The following HYDIN variants were observed in gnomAD, a reference collection of about 807,000 sequenced individuals.
HYDIN encodes axonemal central pair apparatus protein HYDIN.
A neutral mutation model predicts 403.9 loss-of-function variants in HYDIN; 132 were observed. The ratio of observed to expected loss-of-function variants is 0.33; its 90% CI spans 0.28 to 0.38. The LOEUF (loss-of-function observed/expected upper bound fraction) is 0.38, where lower values mean the gene tolerates loss of function less well. Among genes scored for constraint, HYDIN ranks in the 10% least tolerant of loss-of-function variants. The pLI, the probability that HYDIN is intolerant of heterozygous loss-of-function variation, is 1.00. For synonymous variants in HYDIN, 1,202 were observed against 1,891.7 expected, an observed-to-expected ratio of 0.64 and a Z score of 9.46; for missense variants, 2,827 against 5,009.5, an observed-to-expected ratio of 0.56 and a Z score of 13.15.
chr16:71,227,697 G>A (rs1469506752), intron 1 of HYDIN, among the ~76,000 whole-genome samples: 1 of 152,192 alleles, frequency 6.6e-6, no homozygotes, highest in African/African-American at 2.4e-5. Flanking sequence ...CATGCTCATG[G>A]ATAGGAATAA....
At chr16:70,922,551 A>G (rs1597329017) in intron 45 of HYDIN, among the ~76,000 whole-genome samples, 1 of 152,296 alleles carries the variant, frequency 6.6e-6, no homozygotes, top group South Asian at 2.1e-4. Context: ...TATGACATAG[A>G]GCATGTACTC....
At chr16:71,172,928 C>T (rs974742527) in intron 5 of HYDIN, among the ~76,000 whole-genome samples, 1 of 152,208 alleles carries the variant, frequency 6.6e-6, no homozygotes, top group Non-Finnish European at 1.5e-5. Context: ...TGGCTCTAGT[C>T]ACTCATTGGC....
At chr16:71,061,910 G>C (rs2082100216) in intron 17 of HYDIN, among the ~76,000 whole-genome samples, 1 of 151,618 alleles carries the variant, frequency 6.6e-6, no homozygotes, top group Non-Finnish European at 1.5e-5. Context: ...GAGAGAGAGA[G>C]AGAGAGAAAC....
intron 41 of HYDIN, 65 bp from the exon 42 acceptor site, chr16:70,944,014 A>G: frequency 8.3e-7 from 1 of 1,205,126 alleles, no homozygotes. Flanking sequence ...TCCTACACTT[A>G]CCAGCCACAG....
chr16:70,829,353 C>A (rs2036806770), intron 81 of HYDIN, among the ~76,000 whole-genome samples: 1 of 148,570 alleles, frequency 6.7e-6, no homozygotes, highest in South Asian at 2.1e-4. Flanking sequence ...CCTGCCTCAG[C>A]CTCCCAAGTA....
Position 70,981,525 on chromosome 16 carries a change from T to C in HYDIN, c.4376A>G (p.Tyr1459Cys). Residue 1459 changes from tyrosine (Y) to cysteine (C), a missense_variant, in exon 29 of 86, where the codon TAC (tyrosine) becomes TGC (cysteine). Transcript: ENST00000393567. ...SHQEQVLKVYYLPGVPEVFKR... is the reference protein window; with the variant it reads ...SHQEQVLKVYCLPGVPEVFKR... ...AAAGACCTCAGGTACTCCAGGTAGG[T>C]AGTAAACTTTTAATACCTGCTCTTG... 1 of 1,613,054 alleles carries C rather than the reference T, an allele frequency of 6.2e-7. No homozygotes were observed. The highest frequency in any genetic ancestry group is 1.7e-5 in the Admixed American group (1 of 59,716).
intron 1 of HYDIN, among the ~76,000 whole-genome samples, chr16:71,201,986 A>T (rs1056434060): frequency 1.3e-5 from 2 of 152,350 alleles, no homozygotes; most frequent in Admixed American, 1.3e-4. Flanking sequence ...GGTCTTTCTC[A>T]ATTTGTCAAA....
At chr16:71,026,789 G>C (rs894353255) in intron 20 of HYDIN, among the ~76,000 whole-genome samples, 1 of 152,200 alleles carries the variant, frequency 6.6e-6, no homozygotes, top group Non-Finnish European at 1.5e-5. Context: ...AGCTAAGCAA[G>C]GGACTAGCTT....
Position 71,112,985 on chromosome 16 carries a change from CA to C in HYDIN, c.1327+2710del, listed in dbSNP as rs756509391. 2.9e-3 allele frequency among the ~76,000 whole-genome samples: 444 copies of C among 152,084 alleles called. 4 individuals carry two copies. Among genetic ancestry groups the C allele is most frequent in the Non-Finnish European group, 5.0e-3 (342 of 68,002 alleles). On this transcript the variant is annotated intron_variant, in intron 10 of 85. Coordinates refer to ENST00000393567, the MANE Select transcript of HYDIN (RefSeq NM_001270974.2). ...GGGGACAGGATTGTCTGCAAAGAAG[CA>C]TAGGGAACTTTATGGGGTGATCTCA...
chr16:70,965,682 A>G (rs958896348), intron 36 of HYDIN, among the ~76,000 whole-genome samples: 6 of 152,188 alleles, frequency 3.9e-5, no homozygotes, highest in African/African-American at 1.2e-4. Flanking sequence ...CTTCTTCAGG[A>G]TCCCCATTTT....
In HYDIN at chr16:70,804,832, A is replaced by G. The variant is rs2035037388; in HGVS notation, c.*2748T>C. On this transcript the variant is annotated 3_prime_UTR_variant, in exon 86 of 86. Coordinates refer to ENST00000393567, the MANE Select transcript of HYDIN (RefSeq NM_001270974.2). ...TTCTCCCCCTCCCTTCTCCCTGATC[A>G]CTTTTATAAAATGTATATGGACAGC... 6.6e-6 allele frequency among the ~76,000 whole-genome samples: 1 copy of G among 152,202 alleles called. No homozygotes were observed. Among genetic ancestry groups the G allele is most frequent in the African/African-American group, 2.4e-5 (1 of 41,518 alleles).
At chr16:71,071,452 T>C (rs2144311671) in intron 13 of HYDIN, among the ~76,000 whole-genome samples, 1 of 152,032 alleles carries the variant, frequency 6.6e-6, no homozygotes, top group South Asian at 2.1e-4. Flanking sequence ...TTTACAGTTG[T>C]AGACCTCTAT....
At chr16:70,943,242 A>G (rs1449280927) in intron 42 of HYDIN, among the ~76,000 whole-genome samples, 1 of 152,204 alleles carries the variant, frequency 6.6e-6, no homozygotes, top group African/African-American at 2.4e-5. Context: ...TAAAAATTAG[A>G]AAGAGTGTTA....
At chr16:71,193,623 G>A (rs1430276501) in intron 1 of HYDIN, among the ~76,000 whole-genome samples, 1 of 152,152 alleles carries the variant, frequency 6.6e-6, no homozygotes, top group Non-Finnish European at 1.5e-5. Context: ...GAACTCATAA[G>A]GAGCTGAGTC....
At chr16:71,050,334 A>G (rs961401972) in intron 18 of HYDIN, among the ~76,000 whole-genome samples, 1 of 146,064 alleles carries the variant, frequency 6.8e-6, no homozygotes, top group African/African-American at 2.5e-5. Context: ...GAGAAAAACC[A>G]TCAAATAGAA....
At chr16:71,126,636 A>C (rs2084473822) in intron 9 of HYDIN, among the ~76,000 whole-genome samples, 1 of 152,114 alleles carries the variant, frequency 6.6e-6, no homozygotes, top group Non-Finnish European at 1.5e-5. Flanking sequence ...GGACCACAAC[A>C]TGGCAGTCAG....
At chr16:71,089,716 G>T (rs1404469783) in intron 11 of HYDIN, among the ~76,000 whole-genome samples, 1 of 152,172 alleles carries the variant, frequency 6.6e-6, no homozygotes, top group Non-Finnish European at 1.5e-5. Flanking sequence ...CAAATATTTA[G>T]GGAATTGAGT....
chr16:70,847,711 T>G (rs1031311319), intron 75 of HYDIN, among the ~76,000 whole-genome samples: 1 of 151,918 alleles, frequency 6.6e-6, no homozygotes, highest in African/African-American at 2.4e-5. Context: ...CCTTCTGCCT[T>G]CCAGATGATC....
intron 47 of HYDIN, among the ~76,000 whole-genome samples, chr16:70,913,266 C>T (rs1026043305): frequency 1.3e-5 from 2 of 152,036 alleles, no homozygotes; most frequent in Non-Finnish European, 2.9e-5. Flanking sequence ...TTGATGTGGG[C>T]ATTTAGGGCT....
Sources: gnomAD v4.1 joint callset for allele counts (sites outside exome capture counted in the v4.1 genomes callset) on GRCh38, gnomAD v4.1.1 for gene constraint, MANE v1.5 for transcripts, NCBI Gene and HGNC (gene_info 2026-07-23, HGNC 2026-07-21) for gene names.